Variants in PCDH7 observed in about 807,000 individuals in gnomAD.
The protein encoded by PCDH7 is protocadherin-7.
PCDH7 carries 17 observed loss-of-function variants against 58.9 expected under a neutral mutation model. That is an observed-to-expected ratio of 0.29 (90% CI 0.20 to 0.43). The LOEUF is 0.43. PCDH7 is among the 20% of genes least tolerant of loss of function. The pLI is 1.00. For synonymous variants in PCDH7, 664 were observed against 616.4 expected, an observed-to-expected ratio of 1.08 and a Z score of -1.14; for missense variants, 1,274 against 1,441.0, an observed-to-expected ratio of 0.88 and a Z score of 1.88.
At chr4:31,120,477 T>G (rs533465671) in intron 3 of PCDH7, among the ~76,000 whole-genome samples, 1 of 149,862 alleles carries the variant, frequency 6.7e-6, no homozygotes, top group African/African-American at 2.4e-5. Flanking sequence ...GTATGTTACA[T>G]CTCCTGTATG....
chr4:30,929,153 G>C (rs1744250234), intron 2 of PCDH7, among the ~76,000 whole-genome samples: 1 of 152,082 alleles, frequency 6.6e-6, no homozygotes, highest in Admixed American at 6.5e-5. Context: ...CAGAAGACCA[G>C]TTGTATTACT....
At chr4:31,146,311 A>G (rs908307260), downstream of PCDH7, 1 of 151,912 alleles carries the variant, frequency 6.6e-6, no homozygotes, top group Non-Finnish European at 1.5e-5. Flanking sequence ...TCTTAGGTAT[A>G]TGCTCTCAGT....
chr4:30,856,201 A>G (rs1733434499), intron 1 of PCDH7, among the ~76,000 whole-genome samples: 1 of 151,852 alleles, frequency 6.6e-6, no homozygotes, highest in African/African-American at 2.4e-5. Context: ...CAAAAAAAAA[A>G]GTAATTTTAC....
chr4:30,894,586 C>CATATAT (rs1739149632), intron 1 of PCDH7, among the ~76,000 whole-genome samples: 1 of 95,534 alleles, frequency 1.0e-5, no homozygotes, highest in East Asian at 2.8e-4. Flanking sequence ...CACATATATA[C>CATATAT]ACACACACAC....
At chr4:30,822,684 A>G (rs1018285483) in intron 1 of PCDH7, among the ~76,000 whole-genome samples, 10 of 152,184 alleles carry the variant, frequency 6.6e-5, no homozygotes, top group South Asian at 2.1e-4. Context: ...TCTTGTGGTC[A>G]TTGCACAAGA....
At chr4:30,882,289 G>T (rs1737081906) in intron 1 of PCDH7, among the ~76,000 whole-genome samples, 1 of 151,228 alleles carries the variant, frequency 6.6e-6, no homozygotes, top group Non-Finnish European at 1.5e-5. Context: ...TGGAGAAAGG[G>T]TCTTGTTCTG....
At chr4:31,098,399 A>G (rs892040938) in intron 3 of PCDH7, among the ~76,000 whole-genome samples, 1 of 152,222 alleles carries the variant, frequency 6.6e-6, no homozygotes, top group Non-Finnish European at 1.5e-5. Context: ...ATTAGTTTAT[A>G]CACATTATTT....
At chr4:30,830,401 T>A (rs1045365598) in intron 1 of PCDH7, among the ~76,000 whole-genome samples, 6 of 140,506 alleles carry the variant, frequency 4.3e-5, no homozygotes, top group African/African-American at 1.7e-4. Context: ...TTTTTGTACA[T>A]CCTGCTGATG....
chr4:30,840,871 C>T (rs1560424571), intron 1 of PCDH7, among the ~76,000 whole-genome samples: 1 of 150,868 alleles, frequency 6.6e-6, no homozygotes, highest in Non-Finnish European at 1.5e-5. Flanking sequence ...TACAGTTGCT[C>T]TCATATAATT....
At chr4:31,083,218 A>C (rs964539605) in intron 3 of PCDH7, among the ~76,000 whole-genome samples, 2 of 152,166 alleles carry the variant, frequency 1.3e-5, no homozygotes, top group Admixed American at 6.5e-5. Flanking sequence ...TAATTCATCC[A>C]CATCACAAAA....
At chr4:30,986,102 A>G (rs1750942969) in intron 3 of PCDH7, among the ~76,000 whole-genome samples, 2 of 152,214 alleles carry the variant, frequency 1.3e-5, no homozygotes. Flanking sequence ...GACTTGAGAT[A>G]TGCATTTTCA....
intron 1 of PCDH7, among the ~76,000 whole-genome samples, chr4:30,726,588 G>C (rs557400790): frequency 6.6e-6 from 1 of 151,996 alleles, no homozygotes; most frequent in East Asian, 1.9e-4. Context: ...ACTAATATAT[G>C]GTGTTAGCCT....
chr4:31,133,825 T>C (rs1719271521), intron 3 of PCDH7, among the ~76,000 whole-genome samples: 1 of 152,198 alleles, frequency 6.6e-6, no homozygotes, highest in Non-Finnish European at 1.5e-5. Context: ...AATGCCACAT[T>C]CAGAATGACA....
chr4:30,909,303 T>A (rs1741411574), intron 1 of PCDH7, among the ~76,000 whole-genome samples: 1 of 152,314 alleles, frequency 6.6e-6, no homozygotes, highest in Non-Finnish European at 1.5e-5. Flanking sequence ...CCATTCCTAT[T>A]CAACATAGAA....
intron 1 of PCDH7, among the ~76,000 whole-genome samples, chr4:30,855,157 T>G (rs1733296499): frequency 6.6e-6 from 1 of 152,130 alleles, no homozygotes; most frequent in Admixed American, 6.6e-5. Context: ...CACACATTGG[T>G]GAAGCATCCA....
rs1043831196 is a variant in PCDH7 at position 30,859,196 on chromosome 4, T to G, written c.71-60957T>G. Among the ~76,000 whole-genome samples the G allele has an allele frequency of 2.6e-5, 4 of 152,144 alleles. No homozygotes were observed. In the East Asian group the frequency reaches 7.7e-4, roughly 29 times the overall value. The stretch of plus-strand genomic sequence containing the variant: ...ACAAAGTGCCTATCTAAAACTGTGG[T>G]TTTCATCCTGGGCTTTTTCCTAGGT... On this transcript the variant is annotated intron_variant, in intron 1 of 3. Coordinates refer to the PCDH7 transcript ENST00000509759.
intron 1 of PCDH7, among the ~76,000 whole-genome samples, chr4:30,821,116 G>C (rs536761214): frequency 3.8e-4 from 58 of 152,216 alleles, no homozygotes; most frequent in African/African-American, 1.3e-3. Flanking sequence ...GACCCATTTC[G>C]CAGATGAGGA....
chr4:30,935,607 A>G (rs1385010606), intron 2 of PCDH7, among the ~76,000 whole-genome samples: 7 of 152,132 alleles, frequency 4.6e-5, no homozygotes, highest in African/African-American at 1.7e-4. Context: ...ACTCACAGAG[A>G]TATTAATCAA....
chr4:30,997,901 GTGTGTGTGTT>G (rs1049437543), intron 3 of PCDH7, among the ~76,000 whole-genome samples: 3 of 152,042 alleles, frequency 2.0e-5, no homozygotes, highest in African/African-American at 4.8e-5. Context: ...TGTTGATTTT[GTGTGTGTGTT>G]TGTGTGTGTG....
Sources: allele counts gnomAD v4.1 joint callset (sites outside exome capture counted in the v4.1 genomes callset), GRCh38; gene constraint gnomAD v4.1.1; transcripts MANE v1.5; gene names NCBI Gene and HGNC (gene_info 2026-07-23, HGNC 2026-07-21).